The following LDLRAD4 variants were observed in gnomAD, a reference collection of about 807,000 sequenced individuals.
LDLRAD4 encodes low-density lipoprotein receptor class A domain-containing protein 4.
Under a neutral mutation model 17.0 loss-of-function variants are expected in LDLRAD4, and 5 were observed. The ratio of observed to expected loss-of-function variants is 0.29; its 90% CI spans 0.15 to 0.62. LDLRAD4 has a LOEUF of 0.62. Ranked by LOEUF, LDLRAD4 falls within the 20% of genes least tolerant of loss-of-function variation. LDLRAD4 has a pLI of 0.84. For synonymous variants in LDLRAD4, 168 were observed against 171.8 expected (o/e 0.98, Z 0.17); for missense variants, 340 against 424.7 (o/e 0.80, Z 1.75).
intron 1 of LDLRAD4, among the ~76,000 whole-genome samples, chr18:13,269,892 G>A (rs550508949): frequency 2.9e-4 from 44 of 152,316 alleles, no homozygotes; most frequent in Non-Finnish European, 2.1e-4. Flanking sequence ...TGACATCCAT[G>A]TTAACATGCT....
intron 1 of LDLRAD4, among the ~76,000 whole-genome samples, chr18:13,330,733 G>T (rs1489822864): frequency 6.6e-6 from 1 of 152,192 alleles, no homozygotes; most frequent in Admixed American, 6.5e-5. Context: ...GCAGCCCGTA[G>T]ATAGCTCCAA....
chr18:13,287,293 T>A (rs957588158), intron 1 of LDLRAD4, among the ~76,000 whole-genome samples: 5 of 152,212 alleles, frequency 3.3e-5, no homozygotes, highest in African/African-American at 1.2e-4. Flanking sequence ...TGTAATGACA[T>A]TTATTATAGT....
chr18:13,449,007 A>C (rs764426039), intron 3 of LDLRAD4, among the ~76,000 whole-genome samples: 3 of 152,186 alleles, frequency 2.0e-5, no homozygotes, highest in Non-Finnish European at 2.9e-5. Context: ...TCACTCCTTC[A>C]TCCATTCTTG....
chr18:13,355,281 A>AT (rs926412872), intron 1 of LDLRAD4, among the ~76,000 whole-genome samples: 1 of 152,216 alleles, frequency 6.6e-6, no homozygotes, highest in Non-Finnish European at 1.5e-5. Flanking sequence ...AACTTGAGGA[A>AT]TTGATGTATG....
At chr18:13,404,572 C>T (rs1599991190) in intron 2 of LDLRAD4, among the ~76,000 whole-genome samples, 1 of 152,006 alleles carries the variant, frequency 6.6e-6, no homozygotes, top group African/African-American at 2.4e-5. Context: ...CCGAGACGGG[C>T]GGATCACGAG....
chr18:13,260,690 C>T (rs1277623409), intron 1 of LDLRAD4, among the ~76,000 whole-genome samples: 1 of 152,228 alleles, frequency 6.6e-6, no homozygotes, highest in African/African-American at 2.4e-5. Context: ...TTACAGATGT[C>T]TGTCTTTCCA....
At chr18:13,471,985 C>T (rs1243449181) in intron 3 of LDLRAD4, 2 of 152,224 alleles carry the variant, frequency 1.3e-5, no homozygotes. Context: ...CATAAAAACA[C>T]GATTTCCACC....
At position 13,379,783 on chromosome 18, in the gene LDLRAD4, C is replaced by T. The variant is rs17608330; in HGVS notation, c.-382-7558C>T. Reference sequence around the variant, plus strand: ...AAATTGTTTCGTACAAACAGCTTGTCGGTTCATATTCTTTTCTATTCCCAC... The same window carrying T: ...AAATTGTTTCGTACAAACAGCTTGTTGGTTCATATTCTTTTCTATTCCCAC... On this transcript the variant is annotated intron_variant, in intron 1 of 5. Coordinates refer to ENST00000359446, the Ensembl canonical transcript of LDLRAD4. 4.4e-3 allele frequency among the ~76,000 whole-genome samples: 666 copies of T among 152,298 alleles called. 4 individuals are homozygous for T. The highest frequency in any genetic ancestry group is 7.0e-3 in the Non-Finnish European group (477 of 68,030).
intron 3 of LDLRAD4, among the ~76,000 whole-genome samples, chr18:13,564,718 G>A (rs1036624083): frequency 6.6e-6 from 1 of 151,650 alleles, no homozygotes; most frequent in African/African-American, 2.4e-5. Flanking sequence ...TCCTCCTGGC[G>A]GGGCCGTGAG....
At chr18:13,253,236 G>T (rs945888323) in intron 1 of LDLRAD4, among the ~76,000 whole-genome samples, 3 of 152,086 alleles carry the variant, frequency 2.0e-5, no homozygotes, top group Non-Finnish European at 4.4e-5. Flanking sequence ...TGTCAGACGT[G>T]GGGTGGGGGG....
intron 1 of LDLRAD4, among the ~76,000 whole-genome samples, chr18:13,258,678 T>C (rs921886182): frequency 6.6e-6 from 1 of 152,250 alleles, no homozygotes; most frequent in Non-Finnish European, 1.5e-5. Flanking sequence ...TGATTGTACC[T>C]TATTGATATT....
At chr18:13,553,734 C>T (rs2094457435) in intron 3 of LDLRAD4, among the ~76,000 whole-genome samples, 1 of 152,194 alleles carries the variant, frequency 6.6e-6, no homozygotes, top group Non-Finnish European at 1.5e-5. Context: ...CTGTCCTTCG[C>T]ATGGAAACAT....
intron 1 of LDLRAD4, among the ~76,000 whole-genome samples, chr18:13,315,710 G>GGAGTTGGA (rs1327305504): frequency 6.6e-6 from 1 of 151,608 alleles, no homozygotes; most frequent in Non-Finnish European, 1.5e-5. Flanking sequence ...CTTGAACCTG[G>GGAGTTGGA]GAGTTGGAGG....
chr18:13,228,899 A>G (rs1368271907), intron 1 of LDLRAD4, among the ~76,000 whole-genome samples: 1 of 152,250 alleles, frequency 6.6e-6, no homozygotes, highest in East Asian at 1.9e-4. Context: ...AAAAATCATG[A>G]CATTTGTTTT....
At chr18:13,262,811 C>T (rs1351445234) in intron 1 of LDLRAD4, among the ~76,000 whole-genome samples, 2 of 84,860 alleles carry the variant, frequency 2.4e-5, no homozygotes, top group South Asian at 5.2e-4. Flanking sequence ...AACTGAGTCC[C>T]GTGCGGCTCC....
chr18:13,493,699 G>A (rs977246242), intron 3 of LDLRAD4, among the ~76,000 whole-genome samples: 2 of 152,204 alleles, frequency 1.3e-5, no homozygotes, highest in African/African-American at 4.8e-5. Flanking sequence ...CAAGAGGGGT[G>A]GAGATGAAAT....
chr18:13,341,599 T>A (rs546454237), intron 1 of LDLRAD4, among the ~76,000 whole-genome samples: 1 of 152,266 alleles, frequency 6.6e-6, no homozygotes, highest in African/African-American at 2.4e-5. Flanking sequence ...TTGTTTATGT[T>A]TTATGTTCAT....
At chr18:13,283,591 A>G (rs772445412) in intron 1 of LDLRAD4, among the ~76,000 whole-genome samples, 1 of 152,184 alleles carries the variant, frequency 6.6e-6, no homozygotes, top group African/African-American at 2.4e-5. Context: ...CCTTATTGCT[A>G]TCAGCATTTT....
At chr18:13,263,575 C>T (rs889844470) in intron 1 of LDLRAD4, among the ~76,000 whole-genome samples, 3 of 152,180 alleles carry the variant, frequency 2.0e-5, no homozygotes, top group South Asian at 2.1e-4. Context: ...GGCCTGGGTT[C>T]GAGTCCCAGC....
Sources: allele counts gnomAD v4.1 joint callset (sites outside exome capture counted in the v4.1 genomes callset), GRCh38; gene constraint gnomAD v4.1.1; transcripts MANE v1.5; gene names NCBI Gene and HGNC (gene_info 2026-07-23, HGNC 2026-07-21).